NGEF: variants seen among roughly 807,000 people sequenced by gnomAD.
NGEF encodes the protein neuronal guanine nucleotide exchange factor, also known as ephexin-1.
Under a neutral mutation model 80.9 loss-of-function variants are expected in NGEF, and 31 were observed. The ratio of observed to expected loss-of-function variants is 0.38; its 90% CI spans 0.29 to 0.52. The LOEUF (loss-of-function observed/expected upper bound fraction) is 0.52, where lower values mean the gene tolerates loss of function less well. NGEF is among the 20% of genes least tolerant of loss of function. The pLI is 0.84. For missense variants in NGEF, 709 were observed against 926.2 expected, an observed-to-expected ratio of 0.77 and a Z score of 3.04; for synonymous variants, 371 against 370.2, an observed-to-expected ratio of 1.00 and a Z score of -0.03.
At chr2:232,998,800 T>G (rs547111298) in intron 1 of NGEF, among the ~76,000 whole-genome samples, 1 of 152,144 alleles carries the variant, frequency 6.6e-6, no homozygotes, top group Non-Finnish European at 1.5e-5. Flanking sequence ...CCTCCCAGCA[T>G]GTCCTAGCAG....
chr2:232,906,239 C>T (rs1261009935), intron 5 of NGEF, among the ~76,000 whole-genome samples: 21 of 100,246 alleles, frequency 2.1e-4, no homozygotes, highest in African/African-American at 5.9e-4. Context: ...GCCCCCCGCC[C>T]GGCCAGCCGC....
chr2:232,980,204 A>G (rs1356969460), intron 1 of NGEF, among the ~76,000 whole-genome samples: 1 of 151,956 alleles, frequency 6.6e-6, no homozygotes, highest in East Asian at 1.9e-4. Context: ...TGGCTGTTAC[A>G]CCTCCCAGCA....
intron 3 of NGEF, among the ~76,000 whole-genome samples, chr2:232,939,120 G>A (rs1354763508): frequency 6.9e-6 from 1 of 144,556 alleles, no homozygotes; most frequent in African/African-American, 2.6e-5. Context: ...AGAGGTTGCA[G>A]TGAGCCGAGA....
intron 1 of NGEF, among the ~76,000 whole-genome samples, chr2:232,993,393 G>A (rs1466951914): frequency 6.6e-6 from 1 of 151,486 alleles, no homozygotes; most frequent in African/African-American, 2.4e-5. Context: ...CACTAGGGTG[G>A]CTGTTAAAAG....
At chr2:232,959,820 C>T (rs1453356861) in intron 3 of NGEF, among the ~76,000 whole-genome samples, 1 of 152,234 alleles carries the variant, frequency 6.6e-6, no homozygotes, top group Non-Finnish European at 1.5e-5. Context: ...CTCAGGTAAT[C>T]TGCCCGCCTC....
Position 232,974,645 on chromosome 2 carries a change from T to C in NGEF, c.246A>G (p.Glu82=). ...KSKAKARDNP[E]RNASCLADSQ... ...GACCTGCCAGGCAGCTGGCGTTCCG[T>C]TCGGGGTTGTCTCTGGCCTTGGCTT... Residue 82 remains glutamate (E), a synonymous_variant, in exon 2 of 15, where the codon GAA becomes GAG. Transcript: ENST00000264051. The C allele has an allele frequency of 6.2e-7, 1 of 1,614,138 alleles. No individual in the cohort carries two copies. Among genetic ancestry groups the C allele is most frequent in the East Asian group, 2.2e-5 (1 of 44,884 alleles).
At chr2:232,997,613 G>A (rs950331571) in intron 1 of NGEF, among the ~76,000 whole-genome samples, 1 of 152,072 alleles carries the variant, frequency 6.6e-6, no homozygotes, top group African/African-American at 2.4e-5. Context: ...GGGCTCTGGC[G>A]AAGCATCCCA....
At chr2:232,882,104 G>T in intron 13 of NGEF, 82 bp downstream of exon 13, 1 of 1,290,968 alleles carries the variant, frequency 7.7e-7, no homozygotes, top group Non-Finnish European at 1.1e-6. Context: ...CTTCCCTCCA[G>T]GCAGGGCACA....
intron 3 of NGEF, among the ~76,000 whole-genome samples, chr2:232,944,726 A>AACATATATATATATATATATATATATAT (rs988760226): frequency 9.2e-6 from 1 of 108,722 alleles, no homozygotes; most frequent in Admixed American, 9.4e-5. Context: ...GACTTTTCCG[A>AACATATATATATATATATATATATATAT]ATATATATAT....
chr2:232,946,282 G>A (rs370827593), intron 3 of NGEF, among the ~76,000 whole-genome samples: 3 of 152,098 alleles, frequency 2.0e-5, no homozygotes, highest in East Asian at 3.9e-4. Flanking sequence ...GGGACTTGGG[G>A]GGAAGGTTGG....
chr2:232,970,794 GA>G (rs113392752), intron 2 of NGEF, among the ~76,000 whole-genome samples: 30 of 144,772 alleles, frequency 2.1e-4, no homozygotes, highest in Admixed American at 4.8e-4. Flanking sequence ...CAGCCTGGGT[GA>G]AAAAAAAAAA....
intron 3 of NGEF, among the ~76,000 whole-genome samples, chr2:232,940,169 T>A (rs1046492642): frequency 6.6e-6 from 1 of 152,208 alleles, no homozygotes; most frequent in Non-Finnish European, 1.5e-5. Context: ...GAATTCATAG[T>A]TTTTCACTAT....
intron 1 of NGEF, among the ~76,000 whole-genome samples, chr2:233,008,260 G>T (rs1330294154): frequency 6.6e-6 from 1 of 152,220 alleles, no homozygotes; most frequent in African/African-American, 2.4e-5. Flanking sequence ...TTGCGGTAAA[G>T]GGTATGGAGG....
chr2:232,969,453 C>CCTTA (rs1694137886), intron 3 of NGEF, among the ~76,000 whole-genome samples: 1 of 80,476 alleles, frequency 1.2e-5, no homozygotes, highest in African/African-American at 9.6e-5. Flanking sequence ...CCCTCCCCTT[C>CCTTA]CTTCCTTCCT....
intron 5 of NGEF, among the ~76,000 whole-genome samples, chr2:232,912,509 C>T (rs1692710160): frequency 6.6e-6 from 1 of 152,142 alleles, no homozygotes; most frequent in South Asian, 2.1e-4. Flanking sequence ...ATTTTTCTAT[C>T]AGGTGATGCT....
chr2:232,885,304 C>T lies in NGEF; in HGVS notation c.1413G>A (p.Gln471=), dbSNP rs768280339. ...CCTTGATCTTGAACTCCATCTTCTT[C>T]TGAATGCTGATCATCTGTTCCGTGC... ...MSRTEQMISI[Q]KKMEFKIKSV... The change falls in exon 10 of 15, where the codon CAG becomes CAA. Residue 471 remains glutamine (Q), a synonymous_variant. Coordinates refer to ENST00000264051, the MANE Select transcript of NGEF (RefSeq NM_019850.3). The T allele has an allele frequency of 1.9e-6, 3 of 1,614,014 alleles. No homozygotes were observed. The highest frequency in any genetic ancestry group is 1.7e-6 in the Non-Finnish European group (2 of 1,180,048).
chr2:232,893,860 C>T (rs1334211197), intron 6 of NGEF, among the ~76,000 whole-genome samples: 1 of 152,222 alleles, frequency 6.6e-6, no homozygotes, highest in Non-Finnish European at 1.5e-5. Context: ...ACCTCCCAAA[C>T]CCACCAGAAG....
intron 3 of NGEF, among the ~76,000 whole-genome samples, chr2:232,942,803 A>AAAAAAAAG (rs1183321462): frequency 1.1e-4 from 16 of 151,546 alleles, no homozygotes; most frequent in Admixed American, 5.3e-4. Context: ...AAAAAAAAAA[A>AAAAAAAAG]AAAAGAAAAG....
intron 3 of NGEF, among the ~76,000 whole-genome samples, chr2:232,943,648 A>AG: frequency 1.3e-5 from 2 of 151,290 alleles, no homozygotes; most frequent in Non-Finnish European, 2.9e-5. Context: ...GGCGCCCGCC[A>AG]CTAGACCCGA....
Sources: gnomAD v4.1 joint callset for allele counts (sites outside exome capture counted in the v4.1 genomes callset) on GRCh38, gnomAD v4.1.1 for gene constraint, MANE v1.5 for transcripts, NCBI Gene and HGNC (gene_info 2026-07-23, HGNC 2026-07-21) for gene names.